Variants in SH3PXD2A observed in about 807,000 individuals in gnomAD.
SH3PXD2A encodes the protein SH3 and PX domains 2A.
Under a neutral mutation model 115.2 loss-of-function variants are expected in SH3PXD2A, and 32 were observed. The ratio of observed to expected loss-of-function variants is 0.28; its 90% confidence interval spans 0.21 to 0.37. SH3PXD2A has a LOEUF of 0.37. SH3PXD2A is among the 10% of genes least tolerant of loss of function. The pLI is 1.00. For synonymous variants in SH3PXD2A, 610 were observed against 629.1 expected (o/e 0.97, Z 0.45); for missense variants, 1,328 against 1,498.7 (o/e 0.89, Z 1.88).
intron 1 of SH3PXD2A, among the ~76,000 whole-genome samples, chr10:103,806,095 C>G (rs2039199259): frequency 6.6e-6 from 1 of 152,198 alleles, no homozygotes; most frequent in Non-Finnish European, 1.5e-5. Context: ...ATCTTGCACC[C>G]TACTTTCTAT....
At position 103,712,305 on chromosome 10, in the gene SH3PXD2A, G is replaced by A. The variant is rs139023714; in HGVS notation, c.398+11965C>T. ...ATGCTCCGGGCCACATGTCCTGGGT[G>A]GGGTTTTGCACGTAGCCATCTGCGT... On this transcript the variant is annotated intron_variant, in intron 5 of 14. Transcript: ENST00000369774. 6.3e-3 allele frequency among the ~76,000 whole-genome samples: 957 copies of A among 152,338 alleles called. 13 individuals are homozygous for A. Among genetic ancestry groups the A allele is most frequent in the African/African-American group, 0.022 (913 of 41,570 alleles).
chr10:103,788,134 C>A (rs1007964243), intron 2 of SH3PXD2A, among the ~76,000 whole-genome samples: 2 of 152,118 alleles, frequency 1.3e-5, no homozygotes, highest in Non-Finnish European at 2.9e-5. Flanking sequence ...GAGGCAGCAC[C>A]AACAATCTCA....
intron 3 of SH3PXD2A, among the ~76,000 whole-genome samples, chr10:103,741,409 C>A (rs1037178382): frequency 6.6e-6 from 1 of 152,238 alleles, no homozygotes; most frequent in African/African-American, 2.4e-5. Flanking sequence ...TCCTTGCCAA[C>A]CACTAGGGCC....
At position 103,629,507 on chromosome 10, in the gene SH3PXD2A, A is replaced by G. The variant is rs191928652; in HGVS notation, c.605-2305T>C. On this transcript the variant is annotated intron_variant, in intron 8 of 14. Transcript: ENST00000369774. ...ATGCTTGGGGCATGCAGTACCCTTG[A>G]GAGCTAGCTACAGTGGGCAAGGGAT... is the stretch of plus-strand genomic sequence containing the variant. Among the ~76,000 whole-genome samples the G allele has an allele frequency of 3.9e-5, 6 of 152,306 alleles. No homozygotes were observed. The East Asian group carries it at 1.2e-3, about 29-fold the overall frequency.
intron 1 of SH3PXD2A, among the ~76,000 whole-genome samples, chr10:103,851,732 A>G (rs1043412255): frequency 9.2e-5 from 14 of 152,232 alleles, no homozygotes; most frequent in Admixed American, 4.6e-4. Flanking sequence ...ATGTTTCACC[A>G]TCGATGGTAA....
At chr10:103,748,859 C>T (rs941940385) in intron 3 of SH3PXD2A, among the ~76,000 whole-genome samples, 5 of 152,112 alleles carry the variant, frequency 3.3e-5, no homozygotes, top group African/African-American at 4.8e-5. Context: ...TTCAGAAATG[C>T]CTGAGTTCCT....
chr10:103,608,951 G>C (rs2036380495), intron 13 of SH3PXD2A: 1 of 152,028 alleles, frequency 6.6e-6, no homozygotes, highest in African/African-American at 2.4e-5. Context: ...GATCAGCCTG[G>C]GCAAATAGTG....
At chr10:103,729,460 T>C (rs1203594161) in intron 4 of SH3PXD2A, among the ~76,000 whole-genome samples, 5 of 152,270 alleles carry the variant, frequency 3.3e-5, no homozygotes, top group Non-Finnish European at 7.3e-5. Flanking sequence ...ATCAATCTGA[T>C]TGAGACTTTC....
At chr10:103,635,919 GCCAGCACTT>G (rs2036857565) in intron 8 of SH3PXD2A, among the ~76,000 whole-genome samples, 2 of 152,172 alleles carry the variant, frequency 1.3e-5, no homozygotes, top group Admixed American at 1.3e-4. Flanking sequence ...GGGGGTTCTG[GCCAGCACTT>G]CCAGCTCAGG....
At chr10:103,703,103 G>T (rs575237792) in intron 5 of SH3PXD2A, among the ~76,000 whole-genome samples, 1 of 152,194 alleles carries the variant, frequency 6.6e-6, no homozygotes. Flanking sequence ...TCCCATGGAG[G>T]CCAAGGAGCC....
chr10:103,782,672 G>A (rs2038942039), intron 2 of SH3PXD2A, among the ~76,000 whole-genome samples: 1 of 151,868 alleles, frequency 6.6e-6, no homozygotes, highest in African/African-American at 2.4e-5. Context: ...AGAAGGGGAG[G>A]GAGGTGGGGA....
At chr10:103,777,667 G>A (rs940538431) in intron 2 of SH3PXD2A, among the ~76,000 whole-genome samples, 1 of 152,198 alleles carries the variant, frequency 6.6e-6, no homozygotes, top group Non-Finnish European at 1.5e-5. Flanking sequence ...CCCAAGTACC[G>A]ATGCCTGTCC....
chr10:103,619,135 T>A (rs1343328859), intron 10 of SH3PXD2A, among the ~76,000 whole-genome samples: 1 of 152,210 alleles, frequency 6.6e-6, no homozygotes, highest in Non-Finnish European at 1.5e-5. Flanking sequence ...AGGGAGGGCC[T>A]TACTCTGGAG....
rs1441142148 is a variant in SH3PXD2A, at chr10:103,603,514, C to T, written c.1704G>A (p.Glu568=). ...YDIPAFGFDS[E]PELSEEPVED... is the part of the protein sequence containing the mutation. ...CCACGGGCTCCTCGCTCAGCTCAGG[C>T]TCTGAGTCAAAGCCGAATGCAGGGA... The change falls in exon 15 of 15, where the codon GAG becomes GAA. Residue 568 remains glutamate (E), a synonymous_variant. Coordinates refer to ENST00000369774, the MANE Select transcript of SH3PXD2A (RefSeq NM_001394015.1). The T allele has an allele frequency of 1.2e-6, 2 of 1,612,560 alleles. No homozygotes were observed. The highest frequency in any genetic ancestry group is 1.1e-5 in the South Asian group (1 of 90,848).
At chr10:103,847,393 A>C (rs1020673255) in intron 1 of SH3PXD2A, among the ~76,000 whole-genome samples, 1 of 151,884 alleles carries the variant, frequency 6.6e-6, no homozygotes, top group African/African-American at 2.4e-5. Context: ...GGTTTACTGC[A>C]GGCTCAACCT....
rs549535763 is a variant in SH3PXD2A, at chr10:103,756,168, C to T, written c.229+10926G>A. On this transcript the variant is annotated intron_variant, in intron 3 of 14. Transcript: ENST00000369774. This position sits in a 1 kb window ranked among gnomAD's most constrained non-coding sequence, Gnocchi z 4.4. ...GTGAAGGGGGAGGAGGTATTTTCAG[C>T]GCCCAGAACGATGGATCTGCTGGGT... Among the ~76,000 whole-genome samples the T allele has an allele frequency of 8.5e-5, 13 of 152,262 alleles. No homozygotes were observed. Among genetic ancestry groups the T allele is most frequent in the Admixed American group, 2.6e-4 (4 of 15,292 alleles).
intron 2 of SH3PXD2A, among the ~76,000 whole-genome samples, chr10:103,795,545 A>C (rs1344541506): frequency 6.6e-6 from 1 of 152,230 alleles, no homozygotes; most frequent in African/African-American, 2.4e-5. Context: ...AGAGTCTCTC[A>C]TCTCAAAAGT....
In SH3PXD2A at chr10:103,613,019, G is replaced by A. The variant is rs369330088; in HGVS notation, c.1092C>T (p.Ala364=). ...TGGGGGCCTCATGGCCCTCGCCTTC[G>A]GCTGGTGGAGTTTCCTTGTCCCCAG... ...KASGDKETPP[A]EGEGHEAPIA... Residue 364 remains alanine, a synonymous_variant, in exon 12 of 15, where the codon GCC becomes GCT. Coordinates refer to ENST00000369774, the MANE Select transcript of SH3PXD2A (RefSeq NM_001394015.1). 22 of 1,614,096 alleles carry A rather than the reference G, an allele frequency of 1.4e-5. No individual in the cohort carries two copies. The highest frequency in any genetic ancestry group is 1.1e-4 in the African/African-American group (8 of 74,946).
At chr10:103,742,955 CT>C (rs773569317) in intron 3 of SH3PXD2A, among the ~76,000 whole-genome samples, 1 of 144,102 alleles carries the variant, frequency 6.9e-6, no homozygotes, top group Admixed American at 6.8e-5. Context: ...CCCTCCCCCC[CT>C]CAAGGGTGAC....
Sources: allele counts gnomAD v4.1 joint callset (sites outside exome capture counted in the v4.1 genomes callset), GRCh38; gene constraint gnomAD v4.1.1; non-coding constraint Gnocchi (gnomAD v3.1); transcripts MANE v1.5; gene names NCBI Gene and HGNC (gene_info 2026-07-23, HGNC 2026-07-21).